The following LAMA2 variants were observed in gnomAD, a reference collection of about 807,000 sequenced individuals.
LAMA2 encodes laminin subunit alpha 2, also known as laminin subunit alpha-2.
A neutral mutation model predicts 364.8 loss-of-function variants in LAMA2; 269 were observed. The ratio of observed to expected loss-of-function variants is 0.74; its 90% CI spans 0.67 to 0.82. LAMA2 has a LOEUF of 0.82. Ranked by LOEUF, LAMA2 falls within the 40% of genes least tolerant of loss-of-function variation. LAMA2 has a pLI of 0.00. For missense variants in LAMA2, 3,807 were observed against 3,873.2 expected, an observed-to-expected ratio of 0.98 and a Z score of 0.45; for synonymous variants, 1,379 against 1,370.6, an observed-to-expected ratio of 1.01 and a Z score of -0.14.
At chr6:129,239,977 G>A (rs954355484) in intron 12 of LAMA2, among the ~76,000 whole-genome samples, 1 of 152,210 alleles carries the variant, frequency 6.6e-6, no homozygotes, top group Non-Finnish European at 1.5e-5. Context: ...AAGAAAGCCA[G>A]TTCGATTCCC....
chr6:129,086,083 AG>A (rs1774366672), intron 3 of LAMA2, among the ~76,000 whole-genome samples: 1 of 152,240 alleles, frequency 6.6e-6, no homozygotes, highest in South Asian at 2.1e-4. Context: ...TGAAGGCTAA[AG>A]ACCAGCTTGA....
intron 24 of LAMA2, 133 bp downstream of exon 24, chr6:129,314,931 C>T: frequency 3.4e-6 from 3 of 880,594 alleles, no homozygotes; most frequent in East Asian, 2.4e-5. Context: ...CATTTAGGAA[C>T]AGCAAAGGGG....
At chr6:129,158,765 C>T (rs1038927303) in intron 8 of LAMA2, 146 of 1,614,044 alleles carry the variant, frequency 9.0e-5, no homozygotes, top group Non-Finnish European at 1.2e-4. Context: ...TATTGTCCGG[C>T]GTAGCTGGGC....
intron 45 of LAMA2, among the ~76,000 whole-genome samples, chr6:129,452,076 T>G (rs1056987325): frequency 6.6e-6 from 1 of 152,228 alleles, no homozygotes; most frequent in East Asian, 1.9e-4. Context: ...CTCTGCCTCC[T>G]TCTGGAGCGC....
intron 1 of LAMA2, among the ~76,000 whole-genome samples, chr6:128,914,390 G>A (rs550343370): frequency 6.6e-6 from 1 of 152,168 alleles, no homozygotes; most frequent in Non-Finnish European, 1.5e-5. Context: ...GCTGAAATCA[G>A]CGAACAAAAT....
chr6:129,335,738 G>T (rs1373109622), intron 29 of LAMA2, among the ~76,000 whole-genome samples: 1 of 152,130 alleles, frequency 6.6e-6, no homozygotes, highest in African/African-American at 2.4e-5. Context: ...AATAGAGATT[G>T]TTAGCATTAT....
At chr6:128,884,946 G>A (rs1299539108) in intron 1 of LAMA2, among the ~76,000 whole-genome samples, 1 of 152,054 alleles carries the variant, frequency 6.6e-6, no homozygotes, top group East Asian at 1.9e-4. Flanking sequence ...AACACACACA[G>A]GATTTCTCTT....
At chr6:129,394,288 C>G (rs1779486793) in intron 37 of LAMA2, among the ~76,000 whole-genome samples, 1 of 152,194 alleles carries the variant, frequency 6.6e-6, no homozygotes, top group African/African-American at 2.4e-5. Context: ...TCAACAGTAA[C>G]TCAGCACCCT....
intron 4 of LAMA2, among the ~76,000 whole-genome samples, chr6:129,117,115 T>A (rs907961008): frequency 2.0e-5 from 3 of 152,104 alleles, no homozygotes; most frequent in African/African-American, 7.2e-5. Flanking sequence ...AAAAAGAAAA[T>A]GTTAAATTAG....
intron 62 of LAMA2, among the ~76,000 whole-genome samples, chr6:129,510,580 GTTCT>G (rs1302643719): frequency 1.3e-5 from 2 of 152,056 alleles, no homozygotes; most frequent in African/African-American, 4.8e-5. Flanking sequence ...AAGTAACATA[GTTCT>G]TTCTATCAAG....
chr6:129,025,022 A>G (rs1203518213), intron 1 of LAMA2, among the ~76,000 whole-genome samples: 3 of 152,220 alleles, frequency 2.0e-5, no homozygotes, highest in Non-Finnish European at 4.4e-5. Context: ...TTAAAAATTA[A>G]CTTAGAGCTA....
intron 1 of LAMA2, among the ~76,000 whole-genome samples, chr6:128,913,111 C>A (rs1209099269): frequency 6.6e-6 from 1 of 152,138 alleles, no homozygotes; most frequent in African/African-American, 2.4e-5. Context: ...CCAATCCACT[C>A]TGAGAGATTA....
At chr6:129,391,902 C>T (rs1779346585) in intron 36 of LAMA2, among the ~76,000 whole-genome samples, 2 of 152,134 alleles carry the variant, frequency 1.3e-5, no homozygotes, top group Non-Finnish European at 2.9e-5. Context: ...AAAGCATGTT[C>T]TTGCCTACAT....
chr6:129,313,221 T>A (rs1234956289), intron 23 of LAMA2, 124 bp downstream of exon 23: 24 of 639,578 alleles, frequency 3.8e-5, no homozygotes, highest in Non-Finnish European at 6.6e-5. Context: ...ATGGACAAAA[T>A]CTCATTGCCA....
At position 129,285,583 on chromosome 6, in the gene LAMA2, G is replaced by A. The variant is rs571941234; in HGVS notation, c.2538-2264G>A. 1.3e-4 allele frequency among the ~76,000 whole-genome samples: 20 copies of A among 152,158 alleles called. No individual in the cohort carries two copies. In the South Asian group the frequency reaches 3.1e-3, roughly 24 times the overall value. ...AGTGAGCTGAAAATAATAGGTTTTC[G>A]TTTGCTGTGATAATGATCATTGTAT... On this transcript the variant is annotated intron_variant, in intron 18 of 64. Coordinates refer to ENST00000421865, the MANE Select transcript of LAMA2 (RefSeq NM_000426.4).
intron 13 of LAMA2, 130 bp downstream of exon 13, chr6:129,250,343 A>G (rs2169870): frequency 2.9e-6 from 2 of 680,224 alleles, no homozygotes; most frequent in African/African-American, 3.6e-5. Context: ...ACCTTAGGAG[A>G]TTTTTGTGCC....
At chr6:129,430,736 C>T (rs1442074981) in intron 41 of LAMA2, among the ~76,000 whole-genome samples, 1 of 152,008 alleles carries the variant, frequency 6.6e-6, no homozygotes, top group Non-Finnish European at 1.5e-5. Flanking sequence ...GAGGCCGAGG[C>T]AGGCAGAGAA....
intron 3 of LAMA2, among the ~76,000 whole-genome samples, chr6:129,066,645 T>C (rs1240080752): frequency 3.3e-5 from 5 of 152,028 alleles, no homozygotes; most frequent in African/African-American, 1.2e-4. Flanking sequence ...AGAACAAAGC[T>C]GGAAGCATCA....
intron 1 of LAMA2, among the ~76,000 whole-genome samples, chr6:128,977,831 T>A (rs1782625642): frequency 6.6e-6 from 1 of 152,198 alleles, no homozygotes; most frequent in Non-Finnish European, 1.5e-5. Context: ...TTGAAACAAT[T>A]TCATCACTTT....
Sources: gnomAD v4.1 joint callset for allele counts (sites outside exome capture counted in the v4.1 genomes callset) on GRCh38, gnomAD v4.1.1 for gene constraint, MANE v1.5 for transcripts, NCBI Gene and HGNC (gene_info 2026-07-23, HGNC 2026-07-21) for gene names.